Variants in ARHGAP15 observed in about 807,000 individuals in gnomAD.
ARHGAP15 encodes the protein rho GTPase-activating protein 15.
ARHGAP15 carries 51 observed loss-of-function variants against 63.7 expected under a neutral mutation model. The ratio of observed to expected loss-of-function variants is 0.80; its 90% CI spans 0.64 to 1.01. ARHGAP15 has a LOEUF of 1.01. ARHGAP15 is among the 50% of genes least tolerant of loss of function. ARHGAP15 has a pLI of 0.00. For missense variants in ARHGAP15, 560 were observed against 564.6 expected (o/e 0.99, Z 0.08); for synonymous variants, 191 against 193.8 (o/e 0.99, Z 0.12).
intron 6 of ARHGAP15, among the ~76,000 whole-genome samples, chr2:143,411,217 A>G (rs1688430309): frequency 7.4e-6 from 1 of 134,874 alleles, no homozygotes; most frequent in South Asian, 2.7e-4. Context: ...AAACAAAAGA[A>G]GAAAGAAAAT....
At chr2:143,766,474 A>G (rs1297235433) in intron 13 of ARHGAP15, 2 of 152,176 alleles carry the variant, frequency 1.3e-5, no homozygotes, top group African/African-American at 4.8e-5. Flanking sequence ...AGAGTAGGTG[A>G]TGCTGGCAAT....
intron 8 of ARHGAP15, chr2:143,480,712 C>T (rs1692039110): frequency 6.6e-6 from 1 of 152,160 alleles, no homozygotes; most frequent in South Asian, 2.1e-4. Context: ...ACCAACAGTA[C>T]ATTAAGCCCA....
At chr2:143,375,740 T>C (rs1686781297) in intron 6 of ARHGAP15, among the ~76,000 whole-genome samples, 1 of 152,190 alleles carries the variant, frequency 6.6e-6, no homozygotes, top group South Asian at 2.1e-4. Context: ...AATACTGCCA[T>C]GGTTAAGTGT....
intron 12 of ARHGAP15, among the ~76,000 whole-genome samples, chr2:143,687,872 G>C (rs1683419949): frequency 6.6e-6 from 1 of 151,908 alleles, no homozygotes; most frequent in Admixed American, 6.6e-5. Flanking sequence ...TTAATATTTT[G>C]GTATATTCCT....
At chr2:143,235,920 G>T in intron 5 of ARHGAP15, 1 of 1,538,112 alleles carries the variant, frequency 6.5e-7, no homozygotes, top group Non-Finnish European at 8.8e-7. Flanking sequence ...TGACTCCTAA[G>T]TACCTGCTGT....
intron 6 of ARHGAP15, among the ~76,000 whole-genome samples, chr2:143,372,289 G>A (rs955507823): frequency 1.3e-5 from 2 of 150,032 alleles, no homozygotes; most frequent in African/African-American, 4.9e-5. Flanking sequence ...GCTGCAGTGA[G>A]CCGTGATGGT....
chr2:143,515,936 T>G (rs972820872), intron 9 of ARHGAP15, among the ~76,000 whole-genome samples: 2 of 152,214 alleles, frequency 1.3e-5, no homozygotes, highest in African/African-American at 4.8e-5. Flanking sequence ...CCTATCATTC[T>G]TCCCATCATT....
At chr2:143,175,822 T>C (rs1197897639) in intron 2 of ARHGAP15, among the ~76,000 whole-genome samples, 1 of 152,090 alleles carries the variant, frequency 6.6e-6, no homozygotes, top group East Asian at 1.9e-4. Flanking sequence ...CCCAACCTAG[T>C]AGCAGATGTG....
rs1559031363 is a variant in ARHGAP15, at chr2:143,531,125, C to CGTGT, written c.925+11762_925+11763insTGTG. 7.4e-5 allele frequency among the ~76,000 whole-genome samples: 10 copies of CGTGT among 134,630 alleles called. No homozygotes were observed. The East Asian group carries it at 1.5e-3, about 20-fold the overall frequency. 88.3% of individuals were successfully genotyped at this position (134,630 alleles called of 152,430 possible). On this transcript the variant is annotated intron_variant, in intron 10 of 13. Coordinates refer to ENST00000295095, the MANE Select transcript of ARHGAP15 (RefSeq NM_018460.4). Reference sequence around the variant, plus strand: ...TTGATGCTGTGTGTGTATGTGTGTGCGCGCATGTGTGTGTTCTGTTCTGGA... The same window carrying CGTGT: ...TTGATGCTGTGTGTGTATGTGTGTGCGTGTGCGCATGTGTGTGTTCTGTTCTGGA...
chr2:143,566,335 T>A (rs903106554), intron 11 of ARHGAP15, among the ~76,000 whole-genome samples: 7 of 152,030 alleles, frequency 4.6e-5, no homozygotes, highest in Admixed American at 2.0e-4. Context: ...CTCCATAAAA[T>A]AAGATTTTGG....
intron 1 of ARHGAP15, among the ~76,000 whole-genome samples, chr2:143,146,081 C>G (rs1175506150): frequency 6.6e-6 from 1 of 151,456 alleles, no homozygotes; most frequent in African/African-American, 2.4e-5. Flanking sequence ...AATAAAAGCA[C>G]TAATCGTAAA....
chr2:143,540,134 A>G (rs1214839398), intron 10 of ARHGAP15, among the ~76,000 whole-genome samples: 1 of 152,132 alleles, frequency 6.6e-6, no homozygotes, highest in Non-Finnish European at 1.5e-5. Flanking sequence ...CCATTATGTA[A>G]TGGCCTTCTT....
intron 10 of ARHGAP15, among the ~76,000 whole-genome samples, chr2:143,542,522 C>T (rs1695115929): frequency 2.6e-5 from 4 of 151,290 alleles, no homozygotes; most frequent in Admixed American, 1.3e-4. Context: ...TTGGCTCTAC[C>T]CCAAAAGCAG....
intron 6 of ARHGAP15, among the ~76,000 whole-genome samples, chr2:143,336,018 G>A (rs767078166): frequency 2.6e-5 from 4 of 151,258 alleles, no homozygotes; most frequent in African/African-American, 9.7e-5. Flanking sequence ...TATTTTTTTT[G>A]AGACACGGTT....
chr2:143,575,088 A>T (rs946333106), intron 11 of ARHGAP15, among the ~76,000 whole-genome samples: 3 of 152,114 alleles, frequency 2.0e-5, no homozygotes, highest in African/African-American at 7.2e-5. Context: ...AAATCACATA[A>T]ATCTATTTCT....
intron 13 of ARHGAP15, among the ~76,000 whole-genome samples, chr2:143,754,560 C>G (rs1001980768): frequency 1.3e-5 from 2 of 152,182 alleles, no homozygotes; most frequent in African/African-American, 4.8e-5. Context: ...TAGGTGTAGG[C>G]AGCTCTGGAA....
At chr2:143,540,015 G>A (rs984249311) in intron 10 of ARHGAP15, among the ~76,000 whole-genome samples, 53 of 152,250 alleles carry the variant, frequency 3.5e-4, no homozygotes, top group South Asian at 1.0e-3. Context: ...GTGGGAGTCT[G>A]AGTCTCTTTG....
intron 11 of ARHGAP15, among the ~76,000 whole-genome samples, chr2:143,572,548 G>A (rs779844839): frequency 6.6e-6 from 1 of 152,064 alleles, no homozygotes; most frequent in Non-Finnish European, 1.5e-5. Flanking sequence ...GGGAATATAA[G>A]GTAAGAGACG....
intron 6 of ARHGAP15, chr2:143,305,413 GTGTAGCTA>G (rs955267124): frequency 6.6e-6 from 1 of 152,064 alleles, no homozygotes; most frequent in Non-Finnish European, 1.5e-5. Context: ...CATGGCACGT[GTGTAGCTA>G]TGTAACAAAC....
Sources: gnomAD v4.1 joint callset for allele counts (sites outside exome capture counted in the v4.1 genomes callset) on GRCh38, gnomAD v4.1.1 for gene constraint, MANE v1.5 for transcripts, NCBI Gene and HGNC (gene_info 2026-07-23, HGNC 2026-07-21) for gene names.